Variants in PCED1B observed in about 807,000 individuals in gnomAD.
The protein encoded by PCED1B is PC-esterase domain containing 1B, also known as PC-esterase domain-containing protein 1B.
For synonymous variants in PCED1B, 251 were observed against 246.1 expected (o/e 1.02, Z -0.19); for missense variants, 573 against 573.9 (o/e 1.00, Z 0.02).
chr12:47,139,493 G>T (rs996089957), intron 2 of PCED1B, among the ~76,000 whole-genome samples: 9 of 152,208 alleles, frequency 5.9e-5, no homozygotes, highest in Admixed American at 5.2e-4. Flanking sequence ...TAAGACAGAA[G>T]TGTGTTTGGT....
At chr12:47,146,945 A>C (rs1175681262) in intron 2 of PCED1B, among the ~76,000 whole-genome samples, 1 of 150,104 alleles carries the variant, frequency 6.7e-6, no homozygotes, top group Admixed American at 6.6e-5. Flanking sequence ...GTAGCCTTAT[A>C]GCTTCTACAA....
Position 47,145,466 on chromosome 12 carries a change from G to A in PCED1B, c.-526+41271G>A, listed in dbSNP as rs1029796539. The stretch of plus-strand genomic sequence containing the variant: ...GTAGACAAAACAGCCGCTATTGGAA[G>A]AAAATCCCGTCTAGGACTTGCATAG... On this transcript the variant is annotated intron_variant, in intron 2 of 3. Transcript: ENST00000546455. Among the ~76,000 whole-genome samples, 6 of 152,318 alleles carry A rather than the reference G, an allele frequency of 3.9e-5. No homozygotes were observed. The East Asian group carries it at 9.6e-4, about 24-fold the overall frequency.
At chr12:47,172,340 C>CTTTTTTTTTTTTTTTTTTTTTTTTGTT (rs34230051) in intron 2 of PCED1B, among the ~76,000 whole-genome samples, 4 of 78,336 alleles carry the variant, frequency 5.1e-5, no homozygotes, top group Non-Finnish European at 7.3e-5. Flanking sequence ...TCGTGGGTTG[C>CTTTTTTTTTTTTTTTTTTTTTTTTGTT]TTTTTTTTTT....
chr12:47,083,832 A>G (rs886441952), intron 1 of PCED1B, among the ~76,000 whole-genome samples: 1 of 152,102 alleles, frequency 6.6e-6, no homozygotes, highest in Non-Finnish European at 1.5e-5. Context: ...AGAGCTCACA[A>G]TGGGGCTACT....
chr12:47,143,554 A>G (rs958298527), intron 2 of PCED1B, among the ~76,000 whole-genome samples: 10 of 152,220 alleles, frequency 6.6e-5, no homozygotes, highest in Non-Finnish European at 1.5e-4. Flanking sequence ...ACAGAAAACT[A>G]TAAGACATTG....
chr12:47,180,122 G>A (rs1942048173), intron 2 of PCED1B, among the ~76,000 whole-genome samples: 1 of 152,126 alleles, frequency 6.6e-6, no homozygotes, highest in African/African-American at 2.4e-5. Context: ...GCCCCAGTGT[G>A]TGGTGTTCCT....
chr12:47,211,653 C>CA (rs760117906), intron 2 of PCED1B, among the ~76,000 whole-genome samples: 12,286 of 64,892 alleles, frequency 0.19, 1,100 homozygotes, highest in South Asian at 0.25. Context: ...GACTCTGTCT[C>CA]AAAAAAAAAA....
chr12:47,094,996 T>C (rs902857462), intron 1 of PCED1B, among the ~76,000 whole-genome samples: 2 of 149,810 alleles, frequency 1.3e-5, no homozygotes, highest in African/African-American at 4.9e-5. Context: ...GGCCTCAACC[T>C]CCTGGGCTCA....
chr12:47,098,982 A>G (rs985823372), intron 1 of PCED1B, among the ~76,000 whole-genome samples: 2 of 151,688 alleles, frequency 1.3e-5, no homozygotes, highest in Non-Finnish European at 2.9e-5. Flanking sequence ...TTTACAGTTA[A>G]CTCCTGTTTT....
intron 1 of PCED1B, among the ~76,000 whole-genome samples, chr12:47,092,998 C>A (rs1321260215): frequency 6.6e-6 from 1 of 151,884 alleles, no homozygotes; most frequent in Non-Finnish European, 1.5e-5. Flanking sequence ...TATGCTATTA[C>A]AATTTTTTTT....
intron 3 of PCED1B, among the ~76,000 whole-genome samples, chr12:47,228,452 A>C (rs1280658544): frequency 6.6e-6 from 1 of 152,080 alleles, no homozygotes; most frequent in Non-Finnish European, 1.5e-5. Flanking sequence ...GGCAGAGGAG[A>C]GGGTTGCCTG....
intron 2 of PCED1B, among the ~76,000 whole-genome samples, chr12:47,135,052 A>G (rs906911436): frequency 1.3e-5 from 2 of 152,208 alleles, no homozygotes; most frequent in Admixed American, 6.5e-5. Flanking sequence ...CAGTATTTGC[A>G]CCGATGGATT....
chr12:47,118,285 T>C (rs1939519700), intron 2 of PCED1B, among the ~76,000 whole-genome samples: 1 of 152,200 alleles, frequency 6.6e-6, no homozygotes, highest in African/African-American at 2.4e-5. Flanking sequence ...TCCTGAATGG[T>C]ATTGCCTAGG....
At chr12:47,147,890 G>A (rs549649814) in intron 2 of PCED1B, among the ~76,000 whole-genome samples, 249 of 152,106 alleles carry the variant, frequency 1.6e-3, no homozygotes, top group African/African-American at 5.8e-3. Context: ...CCAAAACCAC[G>A]TCCATGTTAT....
At chr12:47,085,684 G>T (rs1937946372) in intron 1 of PCED1B, among the ~76,000 whole-genome samples, 1 of 152,102 alleles carries the variant, frequency 6.6e-6, no homozygotes, top group African/African-American at 2.4e-5. Flanking sequence ...GGTATGCATA[G>T]ATAATCAAAT....
chr12:47,203,968 G>C (rs1451100146), intron 2 of PCED1B, among the ~76,000 whole-genome samples: 1 of 152,104 alleles, frequency 6.6e-6, no homozygotes, highest in Non-Finnish European at 1.5e-5. Flanking sequence ...TTGTGTAAAA[G>C]CATTCTTTTT....
At chr12:47,119,619 A>C (rs915981582) in intron 2 of PCED1B, among the ~76,000 whole-genome samples, 5 of 152,254 alleles carry the variant, frequency 3.3e-5, no homozygotes, top group South Asian at 4.1e-4. Context: ...ATAAAATGGG[A>C]GACAGTGTTT....
intron 2 of PCED1B, among the ~76,000 whole-genome samples, chr12:47,198,575 A>C (rs1942674784): frequency 6.6e-6 from 1 of 152,128 alleles, no homozygotes. Context: ...AGACCAAAAA[A>C]ACAAAAAACA....
intron 2 of PCED1B, among the ~76,000 whole-genome samples, chr12:47,205,361 C>A (rs1411876234): frequency 6.6e-6 from 1 of 152,120 alleles, no homozygotes; most frequent in Non-Finnish European, 1.5e-5. Context: ...TCCCCAGGAG[C>A]AATTTGGAAA....
Sources: allele counts gnomAD v4.1 joint callset (sites outside exome capture counted in the v4.1 genomes callset), GRCh38; gene constraint gnomAD v4.1.1; transcripts MANE v1.5; gene names NCBI Gene and HGNC (gene_info 2026-07-23, HGNC 2026-07-21).